The following COL23A1 variants were observed in gnomAD, a reference collection of about 807,000 sequenced individuals.
The protein encoded by COL23A1 is collagen alpha-1(XXIII) chain.
COL23A1 carries 97 observed loss-of-function variants against 99.3 expected under a neutral mutation model. The ratio of observed to expected loss-of-function variants is 0.98; its 90% CI spans 0.83 to 1.16. COL23A1 has a LOEUF of 1.16. Among genes scored for constraint, COL23A1 ranks in the 50% most tolerant of loss-of-function variants. The pLI, the probability that COL23A1 is intolerant of heterozygous loss-of-function variation, is 0.00. For synonymous variants in COL23A1, 320 were observed against 308.2 expected, an observed-to-expected ratio of 1.04 and a Z score of -0.40; for missense variants, 762 against 757.4, an observed-to-expected ratio of 1.01 and a Z score of -0.07.
intron 2 of COL23A1, among the ~76,000 whole-genome samples, chr5:178,319,219 C>T (rs923800435): frequency 3.9e-5 from 6 of 152,174 alleles, no homozygotes; most frequent in Admixed American, 2.0e-4. Context: ...CCTGTCATCT[C>T]CTGGGATCTT....
At chr5:178,574,324 A>G (rs1763245151) in intron 1 of COL23A1, among the ~76,000 whole-genome samples, 1 of 152,318 alleles carries the variant, frequency 6.6e-6, no homozygotes, top group Non-Finnish European at 1.5e-5. Context: ...TCATGGGCGC[A>G]TATATTTGTC....
chr5:178,517,983 A>G (rs1759651665), intron 2 of COL23A1, among the ~76,000 whole-genome samples: 1 of 127,938 alleles, frequency 7.8e-6, no homozygotes, highest in Admixed American at 7.6e-5. Flanking sequence ...AGTGGAGGGA[A>G]TGTCAGCAGA....
At chr5:178,582,227 A>G (rs1437177831) in intron 1 of COL23A1, among the ~76,000 whole-genome samples, 2 of 151,114 alleles carry the variant, frequency 1.3e-5, no homozygotes, top group African/African-American at 4.9e-5. Context: ...AAAAAAAAAA[A>G]AAAAAGGAAG....
intron 2 of COL23A1, among the ~76,000 whole-genome samples, chr5:178,371,993 T>C (rs1762825014): frequency 6.6e-6 from 1 of 152,220 alleles, no homozygotes; most frequent in Non-Finnish European, 1.5e-5. Flanking sequence ...GGATCCTTTC[T>C]AGATTAGAGG....
At chr5:178,369,320 C>T (rs1319708548) in intron 2 of COL23A1, among the ~76,000 whole-genome samples, 1 of 152,184 alleles carries the variant, frequency 6.6e-6, no homozygotes, top group Non-Finnish European at 1.5e-5. Context: ...GGCTCCAATT[C>T]CAGCTCCCAG....
chr5:178,473,664 C>G (rs1441247578), intron 2 of COL23A1, among the ~76,000 whole-genome samples: 1 of 151,950 alleles, frequency 6.6e-6, no homozygotes, highest in Admixed American at 6.6e-5. Context: ...AACCAATGCC[C>G]TGAAGATACC....
intron 2 of COL23A1, among the ~76,000 whole-genome samples, chr5:178,406,733 C>T (rs957308852): frequency 2.0e-5 from 3 of 152,166 alleles, no homozygotes; most frequent in Non-Finnish European, 2.9e-5. Flanking sequence ...TGGCTACCTA[C>T]ACTCTTTATT....
chr5:178,247,640 C>T (rs1764776367), intron 21 of COL23A1, 88 bp from the exon 22 acceptor site: 4 of 1,578,192 alleles, frequency 2.5e-6, no homozygotes, highest in African/African-American at 2.7e-5. Flanking sequence ...GTCCTGGGCT[C>T]TGCCCTCTGC....
chr5:178,464,543 C>T (rs928337711), intron 2 of COL23A1, among the ~76,000 whole-genome samples: 1 of 152,188 alleles, frequency 6.6e-6, no homozygotes, highest in Non-Finnish European at 1.5e-5. Flanking sequence ...CACATGATTA[C>T]AAGCACGTTG....
intron 2 of COL23A1, among the ~76,000 whole-genome samples, chr5:178,535,331 T>C (rs1176774872): frequency 2.0e-5 from 3 of 152,230 alleles, no homozygotes; most frequent in Non-Finnish European, 4.4e-5. Context: ...CTCAGAGCCC[T>C]GGCTTCCTTA....
intron 2 of COL23A1, among the ~76,000 whole-genome samples, chr5:178,488,751 T>A (rs1757767898): frequency 6.6e-6 from 1 of 151,524 alleles, no homozygotes; most frequent in Non-Finnish European, 1.5e-5. Flanking sequence ...ATACATTCAA[T>A]GAATGTAAAT....
At chr5:178,240,409 G>A (rs1156448863) in intron 27 of COL23A1, among the ~76,000 whole-genome samples, 2 of 152,176 alleles carry the variant, frequency 1.3e-5, no homozygotes, top group African/African-American at 4.8e-5. Flanking sequence ...TGGCTGCCCC[G>A]AAGGCCCACA....
intron 1 of COL23A1, among the ~76,000 whole-genome samples, chr5:178,571,657 T>C (rs943100313): frequency 5.9e-5 from 9 of 152,124 alleles, no homozygotes; most frequent in Admixed American, 2.0e-4. Flanking sequence ...AATTAATTAA[T>C]TGAAACTGGC....
chr5:178,249,089 T>C lies in COL23A1; in HGVS notation c.1149+28A>G, dbSNP rs867862350. The C allele has an allele frequency of 2.5e-6, 4 of 1,609,220 alleles. No homozygotes were observed. The Middle Eastern group carries it at 6.7e-4, about 271-fold the overall frequency. ...CCTCAGGGCTTCCACACAGGAGGCG[T>C]AATGTGTGGCCCAACCCAGCCACAT... is the stretch of plus-strand genomic sequence containing the variant. On this transcript the variant is annotated intron_variant, in intron 19 of 28. Transcript: ENST00000390654.
At chr5:178,535,349 CA>C (rs1235416962) in intron 2 of COL23A1, among the ~76,000 whole-genome samples, 1 of 152,238 alleles carries the variant, frequency 6.6e-6, no homozygotes, top group African/African-American at 2.4e-5. Context: ...TTATCTACTC[CA>C]ACAGGCTGCC....
chr5:178,342,504 C>G (rs895029270), intron 2 of COL23A1, among the ~76,000 whole-genome samples: 1 of 152,214 alleles, frequency 6.6e-6, no homozygotes, highest in Non-Finnish European at 1.5e-5. Flanking sequence ...GGCGGAGACA[C>G]AGGCTGCTGC....
At chr5:178,423,111 C>T (rs1765724076) in intron 2 of COL23A1, among the ~76,000 whole-genome samples, 1 of 152,048 alleles carries the variant, frequency 6.6e-6, no homozygotes, top group African/African-American at 2.4e-5. Flanking sequence ...GGACCCCAGG[C>T]ACACATCACC....
intron 2 of COL23A1, among the ~76,000 whole-genome samples, chr5:178,516,588 T>G (rs2127999447): frequency 6.6e-6 from 1 of 152,360 alleles, no homozygotes; most frequent in South Asian, 2.1e-4. Flanking sequence ...TGCTGAAATC[T>G]TATTTCCTGG....
At chr5:178,537,305 G>A (rs373743318) in intron 2 of COL23A1, among the ~76,000 whole-genome samples, 2 of 152,226 alleles carry the variant, frequency 1.3e-5, no homozygotes, top group African/African-American at 4.8e-5. Flanking sequence ...GTGTGGGCCT[G>A]AGGCCCGGGG....
Sources: allele counts gnomAD v4.1 joint callset (sites outside exome capture counted in the v4.1 genomes callset), GRCh38; gene constraint gnomAD v4.1.1; transcripts MANE v1.5; gene names NCBI Gene and HGNC (gene_info 2026-07-23, HGNC 2026-07-21).